ZFAT: variants seen among roughly 807,000 people sequenced by gnomAD.
ZFAT encodes zinc finger protein ZFAT.
In ZFAT, 64 loss-of-function variants were observed where a neutral mutation model predicts 117.7. That is an observed-to-expected ratio of 0.54 (90% CI 0.44 to 0.67). The LOEUF (loss-of-function observed/expected upper bound fraction) is 0.67. Ranked by LOEUF, ZFAT falls within the 30% of genes least tolerant of loss-of-function variation. ZFAT has a pLI of 0.00. For synonymous variants in ZFAT, 679 were observed against 615.0 expected (o/e 1.10, Z -1.54); for missense variants, 1,433 against 1,584.5 (o/e 0.90, Z 1.62).
the ZFAT span, among the ~76,000 whole-genome samples, chr8:134,718,476 G>A: frequency 6.6e-6 from 1 of 152,154 alleles, no homozygotes; most frequent in Non-Finnish European, 1.5e-5. Flanking sequence ...CAGCCTGGGC[G>A]ACAGATTAAG....
At chr8:134,591,989 C>T (rs1826539316) in intron 7 of ZFAT, among the ~76,000 whole-genome samples, 1 of 151,370 alleles carries the variant, frequency 6.6e-6, no homozygotes, top group Non-Finnish European at 1.5e-5. Context: ...AGAGCCAAAC[C>T]CTGGTAGGGA....
At chr8:134,693,077 T>G (rs773416262) in intron 1 of ZFAT, among the ~76,000 whole-genome samples, 26 of 152,264 alleles carry the variant, frequency 1.7e-4, no homozygotes, top group African/African-American at 1.7e-4. Flanking sequence ...GTCTCGTATA[T>G]GTACATACAT....
upstream of ZFAT, among the ~76,000 whole-genome samples, chr8:134,715,976 T>G (rs1814207062): frequency 6.6e-6 from 1 of 151,944 alleles, no homozygotes; most frequent in Admixed American, 6.6e-5. Flanking sequence ...AAATAATGGA[T>G]CTTGGCTGGG....
intron 2 of ZFAT, among the ~76,000 whole-genome samples, chr8:134,642,734 C>T (rs1309052355): frequency 2.6e-5 from 4 of 152,242 alleles, no homozygotes; most frequent in Non-Finnish European, 5.9e-5. Context: ...CTTCCCAGCA[C>T]TCGCACAGGG....
chr8:134,509,684 G>T lies in ZFAT; in HGVS notation c.3427C>A (p.His1143Asn). The T allele has an allele frequency of 6.2e-7, 1 of 1,612,998 alleles. No homozygotes were observed. Among genetic ancestry groups the T allele is most frequent in the South Asian group, 1.1e-5 (1 of 91,044 alleles). The change falls in exon 15 of 16, where the codon CAT becomes AAT. Residue 1143 changes from histidine (H) to asparagine (N), a missense_variant. His to Asn is a moderately conservative substitution (Grantham distance 68). Transcript: ENST00000377838. ...ACCGAGGCAAGGGCAGTGGCGTCAT[G>T]GGTCTCGGCGCCCAGCTCAATGATC... ...QQIIELGAETHDATALASVVA... is the reference protein window; with the variant it reads ...QQIIELGAETNDATALASVVA...
In ZFAT at chr8:134,583,911, G is replaced by A. The variant is rs952072311; in HGVS notation, c.2808C>T (p.Thr936=). ...AHMNRHSTEK[T]HLCDMCGKKF... is the part of the protein sequence containing the mutation. ...TCTTGCCACACATGTCACATAGGTG[G>A]GTTTTCTCAGTGCTGTGACGATTCA... is the stretch of plus-strand genomic sequence containing the variant. The change falls in exon 10 of 16, where the codon ACC becomes ACT. Residue 936 remains threonine (T), a synonymous_variant. Transcript: ENST00000377838. 1.9e-6 allele frequency: 3 copies of A among 1,608,974 alleles called. No individual in the cohort carries two copies. Among genetic ancestry groups the A allele is most frequent in the Non-Finnish European group, 1.7e-6 (2 of 1,177,582 alleles).
the ZFAT span, among the ~76,000 whole-genome samples, chr8:134,786,522 C>T: frequency 6.6e-6 from 1 of 152,156 alleles, no homozygotes; most frequent in East Asian, 1.9e-4. Flanking sequence ...GAGATAGTAA[C>T]ATGCCTTTTC....
At chr8:134,712,745 C>CGGCGGCA in intron 1 of ZFAT, 100 bp downstream of exon 1, 6 of 1,222,860 alleles carry the variant, frequency 4.9e-6, no homozygotes, top group Non-Finnish European at 6.5e-6. Context: ...GGCCGGCGGC[C>CGGCGGCA]GGCGCACTGC....
rs138616859 is a variant in ZFAT at position 134,478,149 on chromosome 8, G to C, written c.*333C>G. On this transcript the variant is annotated 3_prime_UTR_variant, in exon 16 of 16. Coordinates refer to ENST00000377838, the MANE Select transcript of ZFAT (RefSeq NM_020863.4). This position sits in a 1 kb window ranked among gnomAD's most constrained non-coding sequence, Gnocchi z 5.2. ...GGGGCTGTGATTCAGGGAAGATGCT[G>C]AGGGGGACTGGGAGTCTCTGTTTGA... 520 of 321,564 alleles carry C rather than the reference G, an allele frequency of 1.6e-3. 2 individuals are homozygous for C. The highest frequency in any genetic ancestry group is 0.01 in the African/African-American group (506 of 48,508). The allele number at this position is 321,564 out of a possible 1,614,324, so 19.9% of individuals were successfully genotyped here.
At chr8:134,709,230 C>T (rs926471969) in intron 1 of ZFAT, among the ~76,000 whole-genome samples, 1 of 152,158 alleles carries the variant, frequency 6.6e-6, no homozygotes, top group Non-Finnish European at 1.5e-5. Context: ...CCTTTCCATC[C>T]ACAAATGCTT....
the ZFAT span, among the ~76,000 whole-genome samples, chr8:134,783,260 C>T: frequency 1.3e-5 from 2 of 152,124 alleles, no homozygotes; most frequent in Non-Finnish European, 2.9e-5. Flanking sequence ...ATCCCCTGGG[C>T]CGAGGACCAG....
chr8:134,570,752 C>T (rs1252050247), intron 10 of ZFAT, among the ~76,000 whole-genome samples: 1 of 152,216 alleles, frequency 6.6e-6, no homozygotes, highest in African/African-American at 2.4e-5. Context: ...GATATGTCGT[C>T]ATACCCACCA....
the ZFAT span, among the ~76,000 whole-genome samples, chr8:134,773,871 C>T: frequency 2.2e-4 from 33 of 151,936 alleles, no homozygotes; most frequent in Middle Eastern, 6.8e-3. Flanking sequence ...AGTGATTTCC[C>T]GAGTTGGAAA....
chr8:134,535,223 G>A (rs2130585955), intron 11 of ZFAT, among the ~76,000 whole-genome samples: 1 of 152,256 alleles, frequency 6.6e-6, no homozygotes, highest in Middle Eastern at 3.4e-3. Context: ...TTGCATTGTT[G>A]ATTGGTGGAT....
the ZFAT span, among the ~76,000 whole-genome samples, chr8:134,811,050 C>G: frequency 4.6e-5 from 7 of 151,518 alleles, no homozygotes; most frequent in Non-Finnish European, 7.4e-5. Flanking sequence ...GAGAAACAAC[C>G]GTCAGTTAAT....
chr8:134,757,548 G>A, the ZFAT span, among the ~76,000 whole-genome samples: 1 of 152,140 alleles, frequency 6.6e-6, no homozygotes, highest in Non-Finnish European at 1.5e-5. Context: ...ATGTCCCGCT[G>A]TCACTGGCAG....
intron 4 of ZFAT, among the ~76,000 whole-genome samples, chr8:134,609,425 A>G (rs894457214): frequency 4.6e-5 from 7 of 152,206 alleles, no homozygotes; most frequent in African/African-American, 1.7e-4. Flanking sequence ...CTTATTTTCC[A>G]GAATAATACT....
At chr8:134,790,102 G>GT in the ZFAT span, among the ~76,000 whole-genome samples, 16 of 152,224 alleles carry the variant, frequency 1.1e-4, no homozygotes, top group East Asian at 2.9e-3. Context: ...ACCTGCTAAA[G>GT]TAATTTTTTA....
Position 134,602,831 on chromosome 8 carries a change from T to C in ZFAT, c.888A>G (p.Glu296=), listed in dbSNP as rs781117131. The C allele has an allele frequency of 6.2e-7, 1 of 1,614,072 alleles. No individual in the cohort carries two copies. The highest frequency in any genetic ancestry group is 8.5e-7 in the Non-Finnish European group (1 of 1,180,060). The change falls in exon 6 of 16, where the codon GAA becomes GAG. Residue 296 remains glutamate, a synonymous_variant. Coordinates refer to ENST00000377838, the MANE Select transcript of ZFAT (RefSeq NM_020863.4). ...LQAHLRIHTN[E]KPYKCPQCSY... is the part of the protein sequence containing the mutation. ...TGCACTGGGGGCACTTGTATGGCTT[T>C]TCATTGGTGTGGATCCTCAGGTGGG...
Sources: allele counts gnomAD v4.1 joint callset (sites outside exome capture counted in the v4.1 genomes callset), GRCh38; gene constraint gnomAD v4.1.1; non-coding constraint Gnocchi (gnomAD v3.1); transcripts MANE v1.5; gene names NCBI Gene and HGNC (gene_info 2026-07-23, HGNC 2026-07-21).